CALCR: variants seen among roughly 807,000 people sequenced by gnomAD.
CALCR encodes calcitonin receptor.
CALCR carries 47 observed loss-of-function variants against 59.5 expected under a neutral mutation model. That is an observed-to-expected ratio of 0.79 (90% CI 0.63 to 1.01). CALCR has a LOEUF of 1.01. CALCR is among the 50% of genes least tolerant of loss of function. The probability of loss-of-function intolerance (pLI) is 0.00; values close to 1 mark genes in which losing one functional copy is unlikely to be tolerated. For synonymous variants in CALCR, 213 were observed against 211.3 expected (o/e 1.01, Z -0.07); for missense variants, 566 against 597.1 (o/e 0.95, Z 0.54).
intron 11 of CALCR, 116 bp downstream of exon 11, chr7:93,437,944 C>A: frequency 2.1e-6 from 2 of 962,648 alleles, no homozygotes; most frequent in Non-Finnish European, 3.2e-6. Context: ...CTACAGAATA[C>A]CATCAAATTA....
intron 2 of CALCR, among the ~76,000 whole-genome samples, chr7:93,564,228 T>C (rs1349771645): frequency 6.6e-6 from 1 of 152,054 alleles, no homozygotes; most frequent in Non-Finnish European, 1.5e-5. Flanking sequence ...GAGAGCACTT[T>C]GGGAACCAAG....
intron 13 of CALCR, among the ~76,000 whole-genome samples, chr7:93,429,477 C>A (rs1478817226): frequency 6.6e-6 from 1 of 152,128 alleles, no homozygotes; most frequent in East Asian, 1.9e-4. Flanking sequence ...CTGATTATAT[C>A]TATTTATGTA....
At chr7:93,493,183 CAT>C (rs959409996) in intron 2 of CALCR, among the ~76,000 whole-genome samples, 6 of 151,386 alleles carry the variant, frequency 4.0e-5, no homozygotes, top group African/African-American at 1.4e-4. Context: ...ATTGCATACA[CAT>C]GTTTATTATT....
chr7:93,528,524 C>T (rs1199421933), intron 2 of CALCR, among the ~76,000 whole-genome samples: 5 of 151,912 alleles, frequency 3.3e-5, no homozygotes, highest in African/African-American at 9.7e-5. Flanking sequence ...GAGAACATGC[C>T]GTGTTTGGTT....
chr7:93,435,863 A>G, intron 12 of CALCR, 89 bp downstream of exon 12: 1 of 469,918 alleles, frequency 2.1e-6, no homozygotes, highest in South Asian at 7.4e-5. Flanking sequence ...AATAAGTAAA[A>G]TAATAATAAA....
chr7:93,561,506 G>C (rs1789747384), intron 2 of CALCR, among the ~76,000 whole-genome samples: 1 of 151,926 alleles, frequency 6.6e-6, no homozygotes, highest in Non-Finnish European at 1.5e-5. Flanking sequence ...TGAGGCAGGG[G>C]ACATAGGGTT....
At chr7:93,558,503 G>C (rs1357597700) in intron 2 of CALCR, among the ~76,000 whole-genome samples, 1 of 151,992 alleles carries the variant, frequency 6.6e-6, no homozygotes, top group Non-Finnish European at 1.5e-5. Context: ...TTGTTTCTCT[G>C]TATTTCTCAA....
At chr7:93,525,504 G>A (rs1179411675) in intron 2 of CALCR, among the ~76,000 whole-genome samples, 1 of 152,120 alleles carries the variant, frequency 6.6e-6, no homozygotes, top group Non-Finnish European at 1.5e-5. Flanking sequence ...AGCAGAGCAG[G>A]TCATGGTGTG....
At chr7:93,480,945 A>C (rs1800782341) in intron 3 of CALCR, among the ~76,000 whole-genome samples, 1 of 151,882 alleles carries the variant, frequency 6.6e-6, no homozygotes. Context: ...GAGGGTAAGA[A>C]GGTCAGGACT....
intron 2 of CALCR, among the ~76,000 whole-genome samples, chr7:93,544,305 G>T (rs545455738): frequency 4.7e-4 from 72 of 152,160 alleles, no homozygotes; most frequent in African/African-American, 1.6e-3. Flanking sequence ...ACTAGCTAAG[G>T]CTGGGTGTTC....
intron 3 of CALCR, among the ~76,000 whole-genome samples, chr7:93,485,213 C>T (rs1175019230): frequency 6.6e-6 from 1 of 151,564 alleles, no homozygotes; most frequent in African/African-American, 2.4e-5. Context: ...TTCTCTCTGT[C>T]ACAGCAAAGA....
intron 8 of CALCR, among the ~76,000 whole-genome samples, chr7:93,456,008 T>A (rs1431901308): frequency 6.6e-6 from 1 of 152,122 alleles, no homozygotes; most frequent in Non-Finnish European, 1.5e-5. Flanking sequence ...AGCAACCCTA[T>A]GTTGCTTGTA....
chr7:93,477,127 C>G (rs1800682477), intron 5 of CALCR, among the ~76,000 whole-genome samples: 1 of 151,828 alleles, frequency 6.6e-6, no homozygotes, highest in Non-Finnish European at 1.5e-5. Context: ...GGCTCAGGCT[C>G]ACTTTACTCT....
intron 3 of CALCR, among the ~76,000 whole-genome samples, chr7:93,479,978 C>A (rs961336656): frequency 6.6e-6 from 1 of 151,820 alleles, no homozygotes; most frequent in Admixed American, 6.6e-5. Context: ...GTGCTGTGTA[C>A]ACTGCCAGAA....
intron 2 of CALCR, among the ~76,000 whole-genome samples, chr7:93,552,053 G>A (rs1789473458): frequency 1.3e-5 from 2 of 152,120 alleles, no homozygotes; most frequent in Non-Finnish European, 2.9e-5. Flanking sequence ...TGGCTACAAA[G>A]ATACACACTA....
intron 2 of CALCR, among the ~76,000 whole-genome samples, chr7:93,510,310 A>G (rs1801517991): frequency 6.6e-6 from 1 of 152,132 alleles, no homozygotes; most frequent in Admixed American, 6.5e-5. Flanking sequence ...TCCAATGTCC[A>G]TGGGGGAAAG....
chr7:93,460,593 G>GTGTGTATA (rs1296016997), intron 8 of CALCR, among the ~76,000 whole-genome samples: 2 of 89,380 alleles, frequency 2.2e-5, no homozygotes, highest in Non-Finnish European at 4.0e-5. Flanking sequence ...ATATATATAT[G>GTGTGTATA]TATATATATA....
chr7:93,443,894 G>T, intron 8 of CALCR, 137 bp from the exon 9 acceptor site: 1 of 674,010 alleles, frequency 1.5e-6, no homozygotes, highest in Non-Finnish European at 2.6e-6. Context: ...GTAAACATGT[G>T]CCACCTGCTA....
intron 2 of CALCR, among the ~76,000 whole-genome samples, chr7:93,564,083 A>G (rs963561083): frequency 2.6e-5 from 4 of 152,112 alleles, no homozygotes; most frequent in African/African-American, 4.8e-5. Flanking sequence ...TTCACAACCT[A>G]CTTTTTTTTT....
Sources: allele counts gnomAD v4.1 joint callset (sites outside exome capture counted in the v4.1 genomes callset), GRCh38; gene constraint gnomAD v4.1.1; transcripts MANE v1.5; gene names NCBI Gene and HGNC (gene_info 2026-07-23, HGNC 2026-07-21).